DACH2: variants seen among roughly 807,000 people sequenced by gnomAD.
DACH2 encodes the protein dachshund family transcription factor 2.
A neutral mutation model predicts 35.8 loss-of-function variants in DACH2; 17 were observed. The observed-to-expected ratio is 0.48, with a 90% CI of 0.33 to 0.71. The LOEUF is 0.71. Among genes scored for constraint, DACH2 ranks in the 30% least tolerant of loss-of-function variants. The probability of loss-of-function intolerance (pLI) is 0.02; values close to 1 mark genes in which losing one functional copy is unlikely to be tolerated. For missense variants in DACH2, 469 were observed against 472.7 expected (o/e 0.99, Z 0.07); for synonymous variants, 195 against 177.3 (o/e 1.10, Z -0.79).
chrX:86,182,789 T>A (rs1327745261), intron 1 of DACH2, among the ~76,000 whole-genome samples: 2 of 67,624 alleles, frequency 3.0e-5, no homozygotes, highest in East Asian at 1.0e-3. Context: ...TTCACGATAT[T>A]GATACTTTCT....
At chrX:86,406,767 A>G (rs2036533760) in intron 2 of DACH2, among the ~76,000 whole-genome samples, 1 of 112,351 alleles carries the variant, frequency 8.9e-6, no homozygotes, top group Non-Finnish European at 1.9e-5. Context: ...GCAGAAACAG[A>G]ATATGCATGC....
chrX:86,552,173 G>A (rs1022064097), intron 3 of DACH2, among the ~76,000 whole-genome samples: 26 of 111,148 alleles, frequency 2.3e-4, no homozygotes, highest in South Asian at 1.1e-3. Flanking sequence ...CTCTTTTTTA[G>A]CCAATACCTT....
chrX:86,484,659 A>G (rs66638204), intron 2 of DACH2, among the ~76,000 whole-genome samples: 4,149 of 111,901 alleles, frequency 0.037, 83 homozygotes, highest in East Asian at 0.21. Context: ...TTTTGTACTC[A>G]ATGGTCATTG....
chrX:86,670,385 T>C (rs1260704688), intron 4 of DACH2, among the ~76,000 whole-genome samples: 1 of 111,953 alleles, frequency 8.9e-6, no homozygotes, highest in Non-Finnish European at 1.9e-5. Flanking sequence ...GTCTTCATTA[T>C]AGACAAAGAT....
intron 1 of DACH2, among the ~76,000 whole-genome samples, chrX:86,289,875 T>A (rs764689995): frequency 0.011 from 1,199 of 109,164 alleles, 13 homozygotes; most frequent in African/African-American, 0.039. Flanking sequence ...AATGCCACAA[T>A]AAACATACGT....
intron 7 of DACH2, among the ~76,000 whole-genome samples, chrX:86,750,661 A>C (rs2041763740): frequency 8.9e-6 from 1 of 111,875 alleles, no homozygotes; most frequent in South Asian, 3.7e-4. Context: ...GCTATTTTAC[A>C]TAACTAATAT....
intron 2 of DACH2, among the ~76,000 whole-genome samples, chrX:86,488,853 A>G (rs191355898): frequency 8.9e-6 from 1 of 111,792 alleles, no homozygotes; most frequent in Non-Finnish European, 1.9e-5. Flanking sequence ...TAAATGAGTC[A>G]ATATATATAA....
chrX:86,263,485 T>A (rs2033662462), intron 1 of DACH2, among the ~76,000 whole-genome samples: 1 of 111,819 alleles, frequency 8.9e-6, no homozygotes, highest in Admixed American at 9.6e-5. Context: ...GTGTTTTTTC[T>A]TGAATTTAAT....
intron 2 of DACH2, among the ~76,000 whole-genome samples, chrX:86,381,265 T>C (rs1260057266): frequency 9.0e-6 from 1 of 110,964 alleles, no homozygotes; most frequent in African/African-American, 3.3e-5. Flanking sequence ...TAATGAATGA[T>C]CTGTTTGAAG....
intron 2 of DACH2, among the ~76,000 whole-genome samples, chrX:86,399,082 A>T (rs991174581): frequency 8.9e-6 from 1 of 111,912 alleles, no homozygotes; most frequent in Non-Finnish European, 1.9e-5. Flanking sequence ...TATTGGGTGC[A>T]TATATATTTA....
intron 2 of DACH2, among the ~76,000 whole-genome samples, chrX:86,401,964 AG>A (rs1442892623): frequency 8.9e-6 from 1 of 111,977 alleles, no homozygotes; most frequent in Non-Finnish European, 1.9e-5. Flanking sequence ...ATGCACAAAA[AG>A]CTTTAGATAA....
chrX:86,163,201 A>C (rs778607797), intron 1 of DACH2, among the ~76,000 whole-genome samples: 1 of 110,386 alleles, frequency 9.1e-6, no homozygotes, highest in South Asian at 3.9e-4. Flanking sequence ...GCCCTTCACT[A>C]TTCTTCCAAA....
At chrX:86,241,214 G>T in intron 1 of DACH2, among the ~76,000 whole-genome samples, 1 of 111,817 alleles carries the variant, frequency 8.9e-6, no homozygotes, top group East Asian at 2.8e-4. Context: ...CTTGTTGTAT[G>T]GTTTTAACCA....
intron 1 of DACH2, among the ~76,000 whole-genome samples, chrX:86,315,000 A>G (rs1311608319): frequency 8.9e-6 from 1 of 112,480 alleles, no homozygotes; most frequent in Non-Finnish European, 1.9e-5. Flanking sequence ...CAGATTTTCA[A>G]TGTAGATGAA....
intron 7 of DACH2, among the ~76,000 whole-genome samples, chrX:86,769,020 A>G (rs983479520): frequency 3.6e-5 from 4 of 111,501 alleles, no homozygotes; most frequent in Non-Finnish European, 7.5e-5. Context: ...AACTATGCAA[A>G]TCAATAATTT....
intron 1 of DACH2, among the ~76,000 whole-genome samples, chrX:86,278,425 G>A (rs1158628591): frequency 2.7e-5 from 3 of 111,826 alleles, no homozygotes; most frequent in African/African-American, 9.8e-5. Context: ...CAACCAGCAG[G>A]ATGCAGAAAG....
Position 86,812,977 on chromosome X carries a change from C to T in DACH2, c.1362C>T (p.Ser454=), listed in dbSNP as rs760737120. The T allele has an allele frequency of 3.3e-6, 4 of 1,201,324 alleles. No individual in the cohort carries two copies. Among genetic ancestry groups the T allele is most frequent in the African/African-American group, 1.8e-5 (1 of 56,855 alleles). Residue 454 remains serine (S), a synonymous_variant, in exon 8 of 12, where the codon TCC becomes TCT. Coordinates refer to ENST00000373125, the MANE Select transcript of DACH2 (RefSeq NM_053281.3). ...TCATTTTTGCTGATAGTCTGTCCTCCGTGGAGACTCTGTTGACCAACATTC... is the reference window on the plus strand; with the variant it reads ...TCATTTTTGCTGATAGTCTGTCCTCTGTGGAGACTCTGTTGACCAACATTC... ...GPFIFADSLS[S]VETLLTNIQG...
At chrX:86,241,699 G>A (rs185546442) in intron 1 of DACH2, among the ~76,000 whole-genome samples, 3 of 112,405 alleles carry the variant, frequency 2.7e-5, no homozygotes, top group Non-Finnish European at 3.8e-5. Context: ...TGTCACAGCA[G>A]CCCCTCCCAT....
At chrX:86,316,917 A>G (rs1009941388) in intron 1 of DACH2, among the ~76,000 whole-genome samples, 2 of 110,285 alleles carry the variant, frequency 1.8e-5, no homozygotes, top group Non-Finnish European at 3.8e-5. Flanking sequence ...CAGAAGTTCA[A>G]TACCACCCTG....
Sources: allele counts gnomAD v4.1 joint callset (sites outside exome capture counted in the v4.1 genomes callset), GRCh38; gene constraint gnomAD v4.1.1; transcripts MANE v1.5; gene names NCBI Gene and HGNC (gene_info 2026-07-23, HGNC 2026-07-21).